ANKRD11: variants seen among roughly 807,000 people sequenced by gnomAD.
ANKRD11 encodes ankyrin repeat domain 11.
ANKRD11 carries 17 observed loss-of-function variants against 195.7 expected under a neutral mutation model. The ratio of observed to expected loss-of-function variants is 0.09; its 90% CI spans 0.06 to 0.13. The LOEUF (loss-of-function observed/expected upper bound fraction) is 0.13, where lower values mean the gene tolerates loss of function less well. Among genes scored for constraint, ANKRD11 ranks in the 10% least tolerant of loss-of-function variants. The probability of loss-of-function intolerance (pLI) is 1.00; values close to 1 mark genes in which losing one functional copy is unlikely to be tolerated. For missense variants in ANKRD11, 3,735 were observed against 3,566.1 expected (o/e 1.05, Z -1.21); for synonymous variants, 1,953 against 1,528.1 (o/e 1.28, Z -6.49).
chr16:89,314,549 T>C (rs1407591418), intron 3 of ANKRD11, among the ~76,000 whole-genome samples: 1 of 152,140 alleles, frequency 6.6e-6, no homozygotes, highest in Non-Finnish European at 1.5e-5. Flanking sequence ...GCCTTTCTCG[T>C]CTCGTGCTAC....
At chr16:89,304,855 T>C (rs1450879625) in intron 4 of ANKRD11, among the ~76,000 whole-genome samples, 2 of 152,208 alleles carry the variant, frequency 1.3e-5, no homozygotes, top group African/African-American at 4.8e-5. Flanking sequence ...TGTGCCTTTG[T>C]GGCCCTGAGG....
At chr16:89,473,497 G>T (rs1177925210) in intron 1 of ANKRD11, among the ~76,000 whole-genome samples, 2 of 152,180 alleles carry the variant, frequency 1.3e-5, no homozygotes, top group Admixed American at 6.5e-5. Flanking sequence ...AGGGCAAACA[G>T]CCTGATAGTA....
At chr16:89,361,420 G>A (rs1190786217) in intron 2 of ANKRD11, 1 of 152,308 alleles carries the variant, frequency 6.6e-6, no homozygotes, top group Admixed American at 6.5e-5. Context: ...TTCAGGCCAG[G>A]TGACTGTCTT....
chr16:89,341,689 C>T (rs1210845182), intron 2 of ANKRD11, among the ~76,000 whole-genome samples: 1 of 152,252 alleles, frequency 6.6e-6, no homozygotes, highest in Non-Finnish European at 1.5e-5. Context: ...TCCCCTCACA[C>T]ACCTATTCAT....
intron 2 of ANKRD11, among the ~76,000 whole-genome samples, chr16:89,337,799 G>A (rs1188366749): frequency 2.0e-5 from 3 of 152,162 alleles, no homozygotes; most frequent in African/African-American, 7.2e-5. Flanking sequence ...TGGAAAGCAA[G>A]TTTGCCCAAG....
At chr16:89,473,297 T>G (rs2057150415) in intron 1 of ANKRD11, among the ~76,000 whole-genome samples, 1 of 151,758 alleles carries the variant, frequency 6.6e-6, no homozygotes, top group Admixed American at 6.6e-5. Flanking sequence ...CTCTGATGAG[T>G]CCATACTTAC....
At chr16:89,423,156 C>A (rs2152246781) in intron 1 of ANKRD11, among the ~76,000 whole-genome samples, 1 of 152,376 alleles carries the variant, frequency 6.6e-6, no homozygotes. Context: ...ACCCTCAGAG[C>A]CCAGGAGTCC....
At chr16:89,357,309 TCAC>T (rs1380827991) in intron 2 of ANKRD11, among the ~76,000 whole-genome samples, 1 of 152,220 alleles carries the variant, frequency 6.6e-6, no homozygotes. Context: ...GGGACTGTGC[TCAC>T]CACGTGTCCC....
chr16:89,433,174 T>G (rs2043070703), intron 1 of ANKRD11, among the ~76,000 whole-genome samples: 1 of 152,146 alleles, frequency 6.6e-6, no homozygotes, highest in Non-Finnish European at 1.5e-5. Context: ...CAAGAGTAAT[T>G]TGGAAATGAA....
chr16:89,304,485 C>T (rs529228534), intron 4 of ANKRD11, among the ~76,000 whole-genome samples: 24 of 151,716 alleles, frequency 1.6e-4, no homozygotes, highest in Non-Finnish European at 2.9e-4. Flanking sequence ...CACACATACA[C>T]GGGCATAGAC....
intron 2 of ANKRD11, among the ~76,000 whole-genome samples, chr16:89,330,800 C>T (rs1446650970): frequency 6.6e-6 from 1 of 152,016 alleles, no homozygotes; most frequent in Non-Finnish European, 1.5e-5. Flanking sequence ...CGGTGCTCCA[C>T]TTCTGAAGGG....
intron 2 of ANKRD11, among the ~76,000 whole-genome samples, chr16:89,387,229 TAAA>T (rs74265463): frequency 1.4e-5 from 2 of 139,472 alleles, no homozygotes; most frequent in Non-Finnish European, 1.6e-5. Flanking sequence ...AGTGCCAAGT[TAAA>T]AAAAAAAAAA....
intron 2 of ANKRD11, among the ~76,000 whole-genome samples, chr16:89,387,121 G>A (rs955446064): frequency 3.3e-5 from 5 of 152,124 alleles, no homozygotes; most frequent in African/African-American, 1.2e-4. Flanking sequence ...CAAGAGCAGC[G>A]AGGGTGGGAG....
intron 1 of ANKRD11, among the ~76,000 whole-genome samples, chr16:89,470,477 C>T (rs1328792951): frequency 3.3e-5 from 5 of 151,876 alleles, no homozygotes; most frequent in Non-Finnish European, 5.9e-5. Flanking sequence ...ACAGACTAAA[C>T]GTAGGTAGGG....
chr16:89,405,491 A>ATTTTTTTTTTTTT (rs60792139), intron 2 of ANKRD11, among the ~76,000 whole-genome samples: 1 of 111,476 alleles, frequency 9.0e-6, no homozygotes. Flanking sequence ...CACCTGGCTC[A>ATTTTTTTTTTTTT]TTTTTTTTTT....
chr16:89,346,106 G>A (rs554296733), intron 2 of ANKRD11, among the ~76,000 whole-genome samples: 9 of 151,898 alleles, frequency 5.9e-5, no homozygotes, highest in South Asian at 4.2e-4. Flanking sequence ...AAAATTAGCC[G>A]GGCGTGGTGC....
intron 6 of ANKRD11, chr16:89,289,037 A>C (rs1597478999): frequency 3.1e-6 from 1 of 327,798 alleles, no homozygotes; most frequent in East Asian, 7.6e-5. Context: ...CGGAGGGGAA[A>C]CCTCCCGTGT....
intron 2 of ANKRD11, among the ~76,000 whole-genome samples, chr16:89,398,414 C>G (rs1281753781): frequency 2.3e-5 from 3 of 129,214 alleles, no homozygotes; most frequent in Admixed American, 1.6e-4. Flanking sequence ...TCTCAGCACT[C>G]TGGGAGGCTG....
intron 1 of ANKRD11, among the ~76,000 whole-genome samples, chr16:89,423,317 C>T (rs1000377307): frequency 1.5e-4 from 23 of 152,256 alleles, no homozygotes; most frequent in Non-Finnish European, 1.6e-4. Context: ...CTGCCCCCGA[C>T]ACTGGCTGAC....
Sources: allele counts gnomAD v4.1 joint callset (sites outside exome capture counted in the v4.1 genomes callset), GRCh38; gene constraint gnomAD v4.1.1; transcripts MANE v1.5; gene names NCBI Gene and HGNC (gene_info 2026-07-23, HGNC 2026-07-21).